Variants in AP1S3 observed in about 807,000 individuals in gnomAD.
AP1S3 encodes the protein AP-1 complex subunit sigma-3.
AP1S3 carries 10 observed loss-of-function variants against 20.9 expected under a neutral mutation model. The ratio of observed to expected loss-of-function variants is 0.48; its 90% confidence interval spans 0.29 to 0.81. AP1S3 has a LOEUF of 0.81. AP1S3 is among the 30% of genes least tolerant of loss of function. The probability of loss-of-function intolerance (pLI) is 0.08; values close to 1 mark genes in which losing one functional copy is unlikely to be tolerated. For synonymous variants in AP1S3, 41 were observed against 61.5 expected, an observed-to-expected ratio of 0.67 and a Z score of 1.56; for missense variants, 154 against 183.8, an observed-to-expected ratio of 0.84 and a Z score of 0.94.
chr2:223,824,737 A>T (rs909844907), intron 1 of AP1S3, among the ~76,000 whole-genome samples: 1 of 152,062 alleles, frequency 6.6e-6, no homozygotes, highest in Admixed American at 6.5e-5. Flanking sequence ...GGGTTTCACC[A>T]TTTGGCCAGG....
At chr2:223,770,376 A>G in intron 3 of AP1S3, 1 of 1,547,078 alleles carries the variant, frequency 6.5e-7, no homozygotes. Context: ...GGAACTTCTT[A>G]TACCCCACTT....
At chr2:223,775,011 G>C (rs1190715542) in intron 3 of AP1S3, among the ~76,000 whole-genome samples, 2 of 151,630 alleles carry the variant, frequency 1.3e-5, no homozygotes, top group African/African-American at 2.4e-5. Flanking sequence ...CCAAGGAGGC[G>C]CTTCAGAAAT....
intron 1 of AP1S3, among the ~76,000 whole-genome samples, chr2:223,799,333 C>T (rs6755248): frequency 7.9e-5 from 12 of 151,842 alleles, no homozygotes; most frequent in Middle Eastern, 3.4e-3. Context: ...TAAACCACCG[C>T]AAGCCAGGAG....
chr2:223,757,551 G>A lies in AP1S3; in HGVS notation c.*1164C>T, dbSNP rs1574679521. On this transcript the variant is annotated 3_prime_UTR_variant, in exon 5 of 5. Transcript: ENST00000396654. ...GATCCACCTGCCTCGGCCTCCCAAAGTGCTGGGATTACAGGTGTAAGCCAC... is the reference window on the plus strand; with the variant it reads ...GATCCACCTGCCTCGGCCTCCCAAAATGCTGGGATTACAGGTGTAAGCCAC... 2.0e-6 allele frequency: 2 copies of A among 977,698 alleles called. No homozygotes were observed. The highest frequency in any genetic ancestry group is 2.4e-6 in the Non-Finnish European group (2 of 823,302). The allele number at this position is 977,698 out of a possible 1,614,324, so 60.6% of individuals were successfully genotyped here.
chr2:223,777,767 C>A lies in AP1S3; in HGVS notation c.106G>T (p.Val36Phe). 1 of 1,614,182 alleles carries A rather than the reference C, an allele frequency of 6.2e-7. No homozygotes were observed. Among genetic ancestry groups the A allele is most frequent in the Non-Finnish European group, 8.5e-7 (1 of 1,180,032 alleles). ...KERKKITREI[V>F]QIILSRGHRT... ...TGACCACGGGAGAGAATAATCTGAA[C>A]AATTTCCCGGGTGATCTTCTTCCTC... Residue 36 changes from valine (V) to phenylalanine (F), a missense_variant, in exon 2 of 5, where the codon GTT (valine) becomes TTT (phenylalanine). Coordinates refer to ENST00000396654, the MANE Select transcript of AP1S3 (RefSeq NM_001039569.2).
At chr2:223,785,726 G>A (rs1691056123) in intron 1 of AP1S3, among the ~76,000 whole-genome samples, 3 of 152,232 alleles carry the variant, frequency 2.0e-5, no homozygotes. Context: ...GGCAGACTGT[G>A]TGGCTGCCAG....
At chr2:223,777,381 C>T (rs7560586) in intron 2 of AP1S3, among the ~76,000 whole-genome samples, 53,699 of 151,944 alleles carry the variant, frequency 0.35, 11,903 homozygotes, top group South Asian at 0.5. Flanking sequence ...GGTGACAGAG[C>T]AAGATTCCGC....
intron 1 of AP1S3, among the ~76,000 whole-genome samples, chr2:223,802,100 C>T (rs951015770): frequency 6.6e-6 from 1 of 152,100 alleles, no homozygotes; most frequent in Non-Finnish European, 1.5e-5. Context: ...GTTTGTATAT[C>T]TCTACTGAGG....
Position 223,756,414 on chromosome 2 carries a change from G to GGA in AP1S3, c.*2299_*2300dup. On this transcript the variant is annotated 3_prime_UTR_variant, in exon 5 of 5. Transcript: ENST00000396654. The stretch of plus-strand genomic sequence containing the variant: ...GAAGGGAAGGAAGGAAGGGAGGGAA[G>GGA]GAGAGAGAGAGAAGAAGGAAGGAAG... 1.8e-6 allele frequency: 1 copy of GGA among 550,742 alleles called. No homozygotes were observed. Among genetic ancestry groups the GGA allele is most frequent in the Non-Finnish European group, 2.2e-6 (1 of 450,208 alleles). 34.1% of individuals were successfully genotyped at this position (550,742 alleles called of 1,614,324 possible).
At position 223,779,433 on chromosome 2, in the gene AP1S3, T is replaced by C. The variant is rs139577274; in HGVS notation, c.4-1564A>G. On this transcript the variant is annotated intron_variant, in intron 1 of 4. Coordinates refer to ENST00000396654, the MANE Select transcript of AP1S3 (RefSeq NM_001039569.2). ...TTTAAAAAAGAAATTTTTAAAAACC[T>C]TGAAGTTATGGTATATTTAATTTTT... Among the ~76,000 whole-genome samples, 663 of 152,302 alleles carry C rather than the reference T, an allele frequency of 4.4e-3. 7 individuals carry two copies. The highest frequency in any genetic ancestry group is 0.015 in the African/African-American group (622 of 41,568).
intron 1 of AP1S3, among the ~76,000 whole-genome samples, chr2:223,786,674 A>C (rs1430332968): frequency 6.6e-6 from 1 of 152,092 alleles, no homozygotes; most frequent in African/African-American, 2.4e-5. Context: ...GGCCAAGGTG[A>C]GCAGATCGCT....
At chr2:223,765,583 A>G (rs1483614653) in intron 3 of AP1S3, among the ~76,000 whole-genome samples, 2 of 152,212 alleles carry the variant, frequency 1.3e-5, no homozygotes, top group Admixed American at 1.3e-4. Flanking sequence ...TTGTGTTACA[A>G]CAGGAAATTT....
intron 1 of AP1S3, among the ~76,000 whole-genome samples, chr2:223,788,097 C>T (rs992923738): frequency 1.9e-4 from 29 of 152,008 alleles, no homozygotes; most frequent in Admixed American, 1.4e-3. Flanking sequence ...TAGACATGTG[C>T]CACCATGCCT....
rs150694262 is a variant in AP1S3, at chr2:223,800,940, T to C, written c.4-23071A>G. Reference sequence around the variant, plus strand: ...TGATTATACCTTCAGTGGTACAGTTTGAGGCAGAATTAAGATGATCTCCAC... The same window carrying C: ...TGATTATACCTTCAGTGGTACAGTTCGAGGCAGAATTAAGATGATCTCCAC... On this transcript the variant is annotated intron_variant, in intron 1 of 4. Coordinates refer to ENST00000396654, the MANE Select transcript of AP1S3 (RefSeq NM_001039569.2). 6.8e-3 allele frequency among the ~76,000 whole-genome samples: 1,038 copies of C among 152,278 alleles called. 23 individuals carry two copies. The highest frequency in any genetic ancestry group is 0.034 in the East Asian group (175 of 5,182).
chr2:223,769,507 T>G (rs992416545), intron 3 of AP1S3, among the ~76,000 whole-genome samples: 2 of 152,202 alleles, frequency 1.3e-5, no homozygotes, highest in Non-Finnish European at 2.9e-5. Flanking sequence ...ACAAATTGCT[T>G]CTTAAAGACT....
At chr2:223,832,543 TA>T (rs1692297283) in intron 1 of AP1S3, among the ~76,000 whole-genome samples, 1 of 152,138 alleles carries the variant, frequency 6.6e-6, no homozygotes, top group African/African-American at 2.4e-5. Context: ...GATCTTACAC[TA>T]ACTGCTGGCC....
rs1164016433 is a variant in AP1S3, at chr2:223,755,382, A to G, written c.*3333T>C. ...TTTGGAAGTTTTATAGAAATTTAAC[A>G]TTTACTGTCTTTCTCTTGGTAGTTT... On this transcript the variant is annotated 3_prime_UTR_variant, in exon 5 of 5. Coordinates refer to ENST00000396654, the MANE Select transcript of AP1S3 (RefSeq NM_001039569.2). Among the ~76,000 whole-genome samples the G allele has an allele frequency of 6.6e-6, 1 of 152,148 alleles. No homozygotes were observed. The highest frequency in any genetic ancestry group is 1.5e-5 in the Non-Finnish European group (1 of 68,036).
chr2:223,824,604 C>T (rs1000697251), intron 1 of AP1S3, among the ~76,000 whole-genome samples: 6 of 152,136 alleles, frequency 3.9e-5, no homozygotes, highest in Admixed American at 2.6e-4. Context: ...GTGGCGCTAT[C>T]TCGGCTCATT....
chr2:223,765,037 A>G, intron 4 of AP1S3, 176 bp downstream of exon 4: 1 of 870,066 alleles, frequency 1.1e-6, no homozygotes, highest in South Asian at 2.8e-5. Flanking sequence ...GAGTAACAAT[A>G]CCACCTACTT....
Sources: gnomAD v4.1 joint callset for allele counts (sites outside exome capture counted in the v4.1 genomes callset) on GRCh38, gnomAD v4.1.1 for gene constraint, MANE v1.5 for transcripts, NCBI Gene and HGNC (gene_info 2026-07-23, HGNC 2026-07-21) for gene names.